The following CLVS1 variants were observed in gnomAD, a reference collection of about 807,000 sequenced individuals.
The protein encoded by CLVS1 is clavesin-1.
In CLVS1, 10 loss-of-function variants were observed where a neutral mutation model predicts 33.1. That is an observed-to-expected ratio of 0.30 (90% CI 0.19 to 0.51). The LOEUF (loss-of-function observed/expected upper bound fraction) is 0.51, where lower values mean the gene tolerates loss of function less well. Ranked by LOEUF, CLVS1 falls within the 20% of genes least tolerant of loss-of-function variation. CLVS1 has a pLI of 0.97. For synonymous variants in CLVS1, 163 were observed against 166.1 expected (o/e 0.98, Z 0.14); for missense variants, 343 against 433.4 (o/e 0.79, Z 1.85).
At chr8:61,284,947 T>C (rs1352082065), upstream of CLVS1, among the ~76,000 whole-genome samples, 1 of 151,982 alleles carries the variant, frequency 6.6e-6, no homozygotes, top group African/African-American at 2.4e-5. Context: ...AAAAAGCAAA[T>C]AAATATAGCA....
intron 2 of CLVS1, among the ~76,000 whole-genome samples, chr8:61,161,737 G>A (rs193028412): frequency 3.3e-5 from 5 of 152,216 alleles, no homozygotes; most frequent in Non-Finnish European, 7.3e-5. Flanking sequence ...CATCATGACT[G>A]TTGTCAATAG....
the CLVS1 span, among the ~76,000 whole-genome samples, chr8:61,042,396 T>C: frequency 2.0e-5 from 3 of 152,234 alleles, no homozygotes; most frequent in Non-Finnish European, 2.9e-5. Flanking sequence ...GAAGACCTTC[T>C]TAGTCCATTC....
chr8:61,077,134 C>T (rs113747150), intron 1 of CLVS1, among the ~76,000 whole-genome samples: 160 of 152,118 alleles, frequency 1.1e-3, no homozygotes, highest in African/African-American at 3.6e-3. Context: ...AGTGCAGTGG[C>T]GCGATCTCGG....
intron 5 of CLVS1, among the ~76,000 whole-genome samples, chr8:61,485,647 T>C (rs929733924): frequency 3.3e-5 from 5 of 152,220 alleles, no homozygotes; most frequent in African/African-American, 7.2e-5. Context: ...CATGCACACG[T>C]ATGTTTATTG....
chr8:61,085,956 A>T (rs1805116285), intron 1 of CLVS1, among the ~76,000 whole-genome samples: 1 of 142,602 alleles, frequency 7.0e-6, no homozygotes, highest in Non-Finnish European at 1.5e-5. Context: ...GAATGGCGTG[A>T]ACCGTGGAGG....
intron 1 of CLVS1, among the ~76,000 whole-genome samples, chr8:61,062,859 C>G (rs2129278215): frequency 6.6e-6 from 1 of 152,328 alleles, no homozygotes; most frequent in Middle Eastern, 3.4e-3. Context: ...ACCCTCTTAA[C>G]CACTGAACAA....
At chr8:61,286,853 T>C (rs576896697), upstream of CLVS1, among the ~76,000 whole-genome samples, 5 of 152,384 alleles carry the variant, frequency 3.3e-5, no homozygotes, top group East Asian at 9.6e-4. Context: ...ATCTAACTAA[T>C]GGGAATGCTG....
chr8:61,404,170 G>T (rs372070564), intron 3 of CLVS1, among the ~76,000 whole-genome samples: 1 of 152,118 alleles, frequency 6.6e-6, no homozygotes, highest in Non-Finnish European at 1.5e-5. Context: ...CTCTGGAAAA[G>T]CATCCCTTGC....
intron 2 of CLVS1, among the ~76,000 whole-genome samples, chr8:61,199,154 A>G (rs768447657): frequency 3.7e-4 from 56 of 152,290 alleles, no homozygotes; most frequent in Non-Finnish European, 6.8e-4. Flanking sequence ...ACTGTTTTCC[A>G]CATTGAAAAA....
At position 61,500,452 on chromosome 8, in the gene CLVS1, A is replaced by T. The variant is rs555812226; in HGVS notation, c.*910A>T. On this transcript the variant is annotated 3_prime_UTR_variant, in exon 6 of 6. Coordinates refer to ENST00000325897, the MANE Select transcript of CLVS1 (RefSeq NM_173519.3). ...GCAACCATTAAAGATGTGGAGAAAG[A>T]CCATGGTTGTTGCTGAGAGGGTAAA... 1.2e-4 allele frequency: 18 copies of T among 152,322 alleles called. No homozygotes were observed. In the East Asian group the frequency reaches 3.3e-3, roughly 28 times the overall value. The allele number at this position is 152,322 out of a possible 1,614,324, so 9.4% of individuals were successfully genotyped here.
chr8:61,379,825 G>C (rs1004702637), intron 3 of CLVS1, among the ~76,000 whole-genome samples: 2 of 152,094 alleles, frequency 1.3e-5, no homozygotes, highest in Admixed American at 1.3e-4. Flanking sequence ...TTCTGAAGCC[G>C]GAATGAGCAT....
chr8:61,103,429 T>C (rs1048123492), intron 1 of CLVS1, among the ~76,000 whole-genome samples: 2 of 152,226 alleles, frequency 1.3e-5, no homozygotes, highest in Admixed American at 1.3e-4. Context: ...TAGTTTGATC[T>C]AGAAAAAGAT....
At chr8:61,386,318 C>T (rs946260675) in intron 3 of CLVS1, among the ~76,000 whole-genome samples, 6 of 152,196 alleles carry the variant, frequency 3.9e-5, no homozygotes, top group African/African-American at 9.7e-5. Context: ...TGATAAACCC[C>T]GGACTTCATA....
chr8:61,176,914 G>A (rs936410207), intron 2 of CLVS1, among the ~76,000 whole-genome samples: 6 of 152,206 alleles, frequency 3.9e-5, no homozygotes, highest in African/African-American at 1.4e-4. Context: ...ACAGCCACTT[G>A]ACTAGAATCT....
chr8:61,485,252 AAAAC>A (rs1196557368), intron 5 of CLVS1, among the ~76,000 whole-genome samples: 5 of 152,216 alleles, frequency 3.3e-5, no homozygotes, highest in Non-Finnish European at 5.9e-5. Context: ...TTACAAGAAA[AAAAC>A]AAACAACCCC....
At chr8:61,108,217 C>CAAAA (rs577723258) in intron 1 of CLVS1, among the ~76,000 whole-genome samples, 2 of 69,066 alleles carry the variant, frequency 2.9e-5, no homozygotes, top group Non-Finnish European at 6.7e-5. Flanking sequence ...GACTCCGTCT[C>CAAAA]AAAAAAAAAA....
intron 1 of CLVS1, among the ~76,000 whole-genome samples, chr8:61,083,096 A>C (rs762491750): frequency 5.3e-5 from 8 of 152,246 alleles, no homozygotes; most frequent in Non-Finnish European, 7.3e-5. Context: ...AATTCTTCAG[A>C]AAGAAGGAAA....
the CLVS1 span, among the ~76,000 whole-genome samples, chr8:61,048,100 C>G: frequency 6.6e-6 from 1 of 152,126 alleles, no homozygotes; most frequent in African/African-American, 2.4e-5. Context: ...TTTGATGCAC[C>G]TCTGTGGTGG....
intron 2 of CLVS1, among the ~76,000 whole-genome samples, chr8:61,179,429 T>G (rs1158279220): frequency 6.6e-6 from 1 of 152,156 alleles, no homozygotes; most frequent in African/African-American, 2.4e-5. Context: ...ATTAGACAGA[T>G]CAACAAGACA....
Sources: gnomAD v4.1 joint callset for allele counts (sites outside exome capture counted in the v4.1 genomes callset) on GRCh38, gnomAD v4.1.1 for gene constraint, MANE v1.5 for transcripts, NCBI Gene and HGNC (gene_info 2026-07-23, HGNC 2026-07-21) for gene names.